Variants in MARCHF8 observed in about 807,000 individuals in gnomAD.
MARCHF8 encodes membrane associated ring-CH-type finger 8, also known as E3 ubiquitin-protein ligase MARCHF8.
MARCHF8 carries 40 observed loss-of-function variants against 51.6 expected under a neutral mutation model. The observed-to-expected ratio is 0.77, with a 90% CI of 0.60 to 1.01. The LOEUF (loss-of-function observed/expected upper bound fraction) is 1.01, where lower values mean the gene tolerates loss of function less well. Ranked by LOEUF, MARCHF8 falls within the 50% of genes least tolerant of loss-of-function variation. The pLI is 0.00. For missense variants in MARCHF8, 685 were observed against 708.6 expected (o/e 0.97, Z 0.38); for synonymous variants, 263 against 280.3 (o/e 0.94, Z 0.62).
intron 3 of MARCHF8, among the ~76,000 whole-genome samples, chr10:45,487,910 G>C (rs1402660682): frequency 2.0e-5 from 3 of 152,028 alleles, no homozygotes; most frequent in Non-Finnish European, 4.4e-5. Flanking sequence ...AATCCTCCCA[G>C]CTGAATCTGT....
At chr10:45,474,734 A>G (rs2042755247) in intron 3 of MARCHF8, among the ~76,000 whole-genome samples, 1 of 152,314 alleles carries the variant, frequency 6.6e-6, no homozygotes, top group South Asian at 2.1e-4. Context: ...AATTCAACAG[A>G]GAAGTGACAG....
chr10:45,489,554 G>C, intron 2 of MARCHF8, 137 bp from the exon 3 acceptor site: 1 of 670,932 alleles, frequency 1.5e-6, no homozygotes, highest in Non-Finnish European at 2.6e-6. Flanking sequence ...CTATATACTA[G>C]ATGTATGTAG....
rs1156551142 is a variant in MARCHF8 at position 45,457,905 on chromosome 10, G to A, written c.*334C>T. The stretch of plus-strand genomic sequence containing the variant: ...GGAGGCGGCTGGGTATCAGGGCCTG[G>A]GCACCCCTGCTCCTCCTCTTCCCTT... On this transcript the variant is annotated 3_prime_UTR_variant, in exon 8 of 8. Coordinates refer to ENST00000453424, the MANE Select transcript of MARCHF8 (RefSeq NM_001282866.2). The A allele has an allele frequency of 1.1e-5, 3 of 268,276 alleles. No individual in the cohort carries two copies. Among genetic ancestry groups the A allele is most frequent in the Non-Finnish European group, 2.1e-5 (3 of 144,524 alleles). The allele number at this position is 268,276 out of a possible 1,614,324, so 16.6% of individuals were successfully genotyped here.
At chr10:45,486,686 C>A (rs76727529) in intron 3 of MARCHF8, among the ~76,000 whole-genome samples, 1 of 152,040 alleles carries the variant, frequency 6.6e-6, no homozygotes, top group East Asian at 1.9e-4. Context: ...CAGGATTCAA[C>A]GAACTTTGAC....
intron 3 of MARCHF8, among the ~76,000 whole-genome samples, chr10:45,469,861 T>A: frequency 2.3e-5 from 1 of 44,098 alleles, no homozygotes; most frequent in African/African-American, 1.1e-4. Flanking sequence ...TGAGACTCCG[T>A]CTCAAAAAAA....
chr10:45,589,516 A>G (rs1240942385), intron 1 of MARCHF8, among the ~76,000 whole-genome samples: 1 of 152,214 alleles, frequency 6.6e-6, no homozygotes, highest in East Asian at 1.9e-4. Flanking sequence ...AGAATATTTT[A>G]TCACCCCAAA....
intron 1 of MARCHF8, among the ~76,000 whole-genome samples, chr10:45,575,396 G>A (rs758267255): frequency 2.0e-5 from 3 of 152,072 alleles, no homozygotes; most frequent in African/African-American, 7.2e-5. Flanking sequence ...CTATTCTGTC[G>A]TCTTTTAATA....
intron 2 of MARCHF8, among the ~76,000 whole-genome samples, chr10:45,516,725 C>G (rs1329373503): frequency 6.6e-6 from 1 of 152,092 alleles, no homozygotes; most frequent in African/African-American, 2.4e-5. Flanking sequence ...GACTGCGCCA[C>G]TGTGCTCCAG....
At chr10:45,540,136 T>C (rs182428487), upstream of MARCHF8, among the ~76,000 whole-genome samples, 2 of 152,310 alleles carry the variant, frequency 1.3e-5, no homozygotes, top group Admixed American at 6.5e-5. Flanking sequence ...AGGTAATTTA[T>C]AGATTCAATG....
intron 2 of MARCHF8, among the ~76,000 whole-genome samples, chr10:45,508,621 A>G (rs2043433414): frequency 6.6e-6 from 1 of 152,192 alleles, no homozygotes; most frequent in Non-Finnish European, 1.5e-5. Flanking sequence ...ATGGAGTTTC[A>G]TTAATATACA....
At chr10:45,463,033 C>T (rs1377003562) in intron 5 of MARCHF8, 118 bp downstream of exon 5, 1 of 1,331,322 alleles carries the variant, frequency 7.5e-7, no homozygotes, top group Non-Finnish European at 1.0e-6. Context: ...AAACCATCAA[C>T]CCACAACTGG....
At chr10:45,553,801 G>A (rs1476289754) in intron 1 of MARCHF8, among the ~76,000 whole-genome samples, 2 of 151,396 alleles carry the variant, frequency 1.3e-5, no homozygotes, top group East Asian at 3.9e-4. Context: ...TTAGGAGGCA[G>A]AAACTATACG....
chr10:45,491,944 A>C (rs1450672254), intron 2 of MARCHF8, among the ~76,000 whole-genome samples: 5 of 152,242 alleles, frequency 3.3e-5, no homozygotes, highest in Admixed American at 2.0e-4. Context: ...GACCTTTTTG[A>C]CATTAATTAT....
rs1842710597 is a variant in MARCHF8, at chr10:45,459,238, C to T, written c.1299G>A (p.Glu433=). The change falls in exon 7 of 8, where the codon GAG becomes GAA. Residue 433 remains glutamate (E), a synonymous_variant. Transcript: ENST00000453424. ...TCACTGAGCACATGATCTTCCTGCG[C>T]TCGCTGGACGTCATCTGCAACTTCT... ...KWEKLQMTSS[E]RRKIMCSVTF... 1 of 1,613,956 alleles carries T rather than the reference C, an allele frequency of 6.2e-7. No individual in the cohort carries two copies. Among genetic ancestry groups the T allele is most frequent in the South Asian group, 1.1e-5 (1 of 91,070 alleles).
chr10:45,496,051 G>C (rs1257550157), intron 2 of MARCHF8, among the ~76,000 whole-genome samples: 1 of 151,962 alleles, frequency 6.6e-6, no homozygotes, highest in Non-Finnish European at 1.5e-5. Flanking sequence ...AAAAAAATGT[G>C]AACCAAGATA....
chr10:45,461,544 A>G (rs1242124718), intron 5 of MARCHF8, 133 bp from the exon 6 acceptor site: 4 of 622,550 alleles, frequency 6.4e-6, no homozygotes, highest in Non-Finnish European at 9.5e-6. Context: ...GCACAAAAAC[A>G]TACAAACACA....
chr10:45,533,135 G>A lies in MARCHF8; in HGVS notation c.77C>T (p.Thr26Ile). 1.2e-6 allele frequency: 2 copies of A among 1,610,630 alleles called. No individual in the cohort carries two copies. The highest frequency in any genetic ancestry group is 1.7e-6 in the Non-Finnish European group (2 of 1,178,610). ...CTGTTCTTCCCTCTCCTTTTCTTTGGTCTTACTTCTGTAGACTCTAGCAGA... is the reference window on the plus strand; with the variant it reads ...CTGTTCTTCCCTCTCCTTTTCTTTGATCTTACTTCTGTAGACTCTAGCAGA... ...AISARVYRSK[T>I]KEKEREEQNE... is the part of the protein sequence containing the mutation. The change falls in exon 2 of 8, where the codon ACC (threonine) becomes ATC (isoleucine). Residue 26 changes from threonine to isoleucine, a missense_variant. Thr to Ile is a moderately conservative substitution (Grantham distance 89, BLOSUM62 -1). Coordinates refer to ENST00000453424, the MANE Select transcript of MARCHF8 (RefSeq NM_001282866.2).
At chr10:45,561,391 G>A (rs2044308877) in intron 1 of MARCHF8, among the ~76,000 whole-genome samples, 1 of 150,630 alleles carries the variant, frequency 6.6e-6, no homozygotes, top group South Asian at 2.1e-4. Context: ...TCTTCTGCCT[G>A]AGCCTCCCAA....
intron 2 of MARCHF8, among the ~76,000 whole-genome samples, chr10:45,532,479 T>A (rs1000369467): frequency 1.3e-5 from 2 of 152,200 alleles, no homozygotes; most frequent in African/African-American, 4.8e-5. Flanking sequence ...GGGAGACAAT[T>A]AGGTCCTAGG....
Sources: allele counts gnomAD v4.1 joint callset (sites outside exome capture counted in the v4.1 genomes callset), GRCh38; gene constraint gnomAD v4.1.1; transcripts MANE v1.5; gene names NCBI Gene and HGNC (gene_info 2026-07-23, HGNC 2026-07-21).